The following SETBP1 variants were observed in gnomAD, a reference collection of about 807,000 sequenced individuals.
SETBP1 encodes SET-binding protein.
SETBP1 carries 9 observed loss-of-function variants against 101.0 expected under a neutral mutation model. That is an observed-to-expected ratio of 0.09 (90% CI 0.05 to 0.16). The LOEUF (loss-of-function observed/expected upper bound fraction) is 0.16. Among genes scored for constraint, SETBP1 ranks in the 10% least tolerant of loss-of-function variants. SETBP1 has a pLI of 1.00. For missense variants in SETBP1, 1,858 were observed against 2,033.8 expected, an observed-to-expected ratio of 0.91 and a Z score of 1.66; for synonymous variants, 818 against 788.5, an observed-to-expected ratio of 1.04 and a Z score of -0.63.
At chr18:44,748,115 C>T (rs1464148558) in intron 2 of SETBP1, among the ~76,000 whole-genome samples, 1 of 152,056 alleles carries the variant, frequency 6.6e-6, no homozygotes, top group Non-Finnish European at 1.5e-5. Context: ...AGTGTCACTC[C>T]TCCTGCTCCC....
intron 3 of SETBP1, among the ~76,000 whole-genome samples, chr18:44,929,225 G>T (rs2070770285): frequency 6.6e-6 from 1 of 152,126 alleles, no homozygotes; most frequent in South Asian, 2.1e-4. Flanking sequence ...TGTCAGGTTT[G>T]TCAAAGATCA....
At chr18:44,691,315 T>C (rs1266212591) in intron 1 of SETBP1, among the ~76,000 whole-genome samples, 11 of 152,156 alleles carry the variant, frequency 7.2e-5, no homozygotes, top group Admixed American at 7.2e-4. Context: ...TGATAATGAC[T>C]GTAAAGAGCT....
intron 2 of SETBP1, among the ~76,000 whole-genome samples, chr18:44,792,539 A>G (rs2071390495): frequency 6.6e-6 from 1 of 152,206 alleles, no homozygotes; most frequent in Non-Finnish European, 1.5e-5. Context: ...CAGAGCTGGC[A>G]TGTGTACTTT....
intron 5 of SETBP1, among the ~76,000 whole-genome samples, chr18:45,058,461 A>T (rs1394702742): frequency 6.6e-6 from 1 of 152,236 alleles, no homozygotes; most frequent in Admixed American, 6.5e-5. Flanking sequence ...AATAATGAGT[A>T]TAGAAAAGAA....
chr18:44,849,788 G>T (rs547850822), intron 2 of SETBP1, among the ~76,000 whole-genome samples: 1 of 152,144 alleles, frequency 6.6e-6, no homozygotes, highest in South Asian at 2.1e-4. Flanking sequence ...CTTCAAAATG[G>T]AATTACGGTG....
chr18:44,772,157 C>T (rs934734384), intron 2 of SETBP1, among the ~76,000 whole-genome samples: 2 of 152,096 alleles, frequency 1.3e-5, no homozygotes, highest in Non-Finnish European at 2.9e-5. Context: ...GTTTGATCTT[C>T]TGTGACCTGG....
intron 3 of SETBP1, chr18:44,870,800 T>C (rs1238220275): frequency 1.3e-5 from 2 of 152,236 alleles, no homozygotes; most frequent in African/African-American, 4.8e-5. Flanking sequence ...ACTGAGTTTA[T>C]TGGAGTTGTG....
At chr18:45,020,975 T>A (rs1327433458) in intron 4 of SETBP1, among the ~76,000 whole-genome samples, 2 of 152,250 alleles carry the variant, frequency 1.3e-5, no homozygotes, top group Non-Finnish European at 2.9e-5. Flanking sequence ...GTGGTTTGTC[T>A]TTAGTTAGAA....
chr18:45,037,216 C>A (rs974363935), intron 4 of SETBP1, among the ~76,000 whole-genome samples: 2 of 152,064 alleles, frequency 1.3e-5, no homozygotes, highest in Non-Finnish European at 2.9e-5. Context: ...GAATAGGTAA[C>A]CATTTGAAAT....
chr18:45,058,342 A>G (rs1387507654), intron 5 of SETBP1, among the ~76,000 whole-genome samples: 1 of 152,218 alleles, frequency 6.6e-6, no homozygotes. Context: ...AGATTTGTGA[A>G]TATCAAACCC....
intron 3 of SETBP1, chr18:44,871,302 C>G (rs962421306): frequency 6.6e-6 from 1 of 152,236 alleles, no homozygotes; most frequent in Admixed American, 6.5e-5. Context: ...CATTGCACTG[C>G]CCCCTCCAGC....
At chr18:44,832,998 T>C (rs988986366) in intron 2 of SETBP1, among the ~76,000 whole-genome samples, 20 of 152,208 alleles carry the variant, frequency 1.3e-4, no homozygotes, top group Non-Finnish European at 2.9e-4. Context: ...GGCCAGCCAC[T>C]GTGCCACTGT....
chr18:44,969,732 CA>C (rs1408351419), intron 4 of SETBP1, among the ~76,000 whole-genome samples: 1 of 152,186 alleles, frequency 6.6e-6, no homozygotes, highest in Non-Finnish European at 1.5e-5. Context: ...AAGTTTTACC[CA>C]ACCCCTCACA....
intron 3 of SETBP1, among the ~76,000 whole-genome samples, chr18:44,911,838 T>C (rs2070316939): frequency 2.6e-5 from 4 of 152,132 alleles, no homozygotes; most frequent in Non-Finnish European, 5.9e-5. Context: ...ACAAACATTG[T>C]GGAGGAGGCA....
At chr18:44,858,086 G>A (rs2073011865) in intron 2 of SETBP1, among the ~76,000 whole-genome samples, 1 of 152,170 alleles carries the variant, frequency 6.6e-6, no homozygotes, top group Non-Finnish European at 1.5e-5. Context: ...TTTAACAAAG[G>A]ACGAGGAAGT....
At chr18:44,858,425 A>G (rs1286966470) in intron 2 of SETBP1, among the ~76,000 whole-genome samples, 2 of 152,230 alleles carry the variant, frequency 1.3e-5, no homozygotes, top group African/African-American at 4.8e-5. Context: ...TTTCATTTCA[A>G]CCAATGGCAA....
chr18:44,905,553 C>T (rs1288037382), intron 3 of SETBP1, among the ~76,000 whole-genome samples: 2 of 149,302 alleles, frequency 1.3e-5, no homozygotes, highest in East Asian at 1.9e-4. Context: ...AAGAGAATTT[C>T]CTGAGAAATA....
At chr18:44,764,471 C>G (rs538236746) in intron 2 of SETBP1, among the ~76,000 whole-genome samples, 1 of 151,966 alleles carries the variant, frequency 6.6e-6, no homozygotes, top group Admixed American at 6.6e-5. Context: ...CTTCGTTCTT[C>G]TTCTTTCTTC....
intron 2 of SETBP1, among the ~76,000 whole-genome samples, chr18:44,760,540 G>A (rs1036509174): frequency 1.3e-5 from 2 of 152,184 alleles, no homozygotes; most frequent in African/African-American, 4.8e-5. Flanking sequence ...TTACCTTTAA[G>A]TTTAAATGCT....
Sources: allele counts gnomAD v4.1 joint callset (sites outside exome capture counted in the v4.1 genomes callset), GRCh38; gene constraint gnomAD v4.1.1; transcripts MANE v1.5; gene names NCBI Gene and HGNC (gene_info 2026-07-23, HGNC 2026-07-21).